SPATA17: variants seen among roughly 807,000 people sequenced by gnomAD.
The protein encoded by SPATA17 is spermatogenesis associated 17.
A neutral mutation model predicts 62.2 loss-of-function variants in SPATA17; 53 were observed. The observed-to-expected ratio is 0.85, with a 90% CI of 0.68 to 1.07. SPATA17 has a LOEUF of 1.07. SPATA17 is among the 50% of genes least tolerant of loss of function. The pLI, the probability that SPATA17 is intolerant of heterozygous loss-of-function variation, is 0.00. For missense variants in SPATA17, 466 were observed against 425.5 expected (o/e 1.10, Z -0.84); for synonymous variants, 146 against 146.8 (o/e 0.99, Z 0.04).
At chr1:217,668,764 C>A (rs1441455635) in intron 3 of SPATA17, among the ~76,000 whole-genome samples, 1 of 152,174 alleles carries the variant, frequency 6.6e-6, no homozygotes, top group East Asian at 1.9e-4. Context: ...CTCAGTAGAG[C>A]ACCATTGATT....
At chr1:217,832,978 T>C (rs1414113298) in intron 9 of SPATA17, among the ~76,000 whole-genome samples, 1 of 152,074 alleles carries the variant, frequency 6.6e-6, no homozygotes, top group Non-Finnish European at 1.5e-5. Flanking sequence ...TCAAAAAAGC[T>C]TCTTTCTGCT....
At chr1:217,654,654 CAA>C (rs1670395608) in intron 3 of SPATA17, among the ~76,000 whole-genome samples, 1 of 151,444 alleles carries the variant, frequency 6.6e-6, no homozygotes, top group African/African-American at 2.4e-5. Flanking sequence ...TCATTTGACA[CAA>C]AGTTACAGAA....
At chr1:217,760,097 T>C (rs6604557) in intron 6 of SPATA17, among the ~76,000 whole-genome samples, 116,412 of 152,100 alleles carry the variant, frequency 0.77, 44,951 homozygotes, top group Non-Finnish European at 0.81. Flanking sequence ...TTTTACAGAT[T>C]GGTTTTTCGA....
intron 5 of SPATA17, among the ~76,000 whole-genome samples, chr1:217,726,673 C>G (rs977349507): frequency 6.7e-6 from 1 of 150,296 alleles, no homozygotes; most frequent in Non-Finnish European, 1.5e-5. Flanking sequence ...GTGACTGTTC[C>G]TTGTTTTCAT....
chr1:217,643,616 T>C (rs1283290405), intron 1 of SPATA17, among the ~76,000 whole-genome samples: 1 of 151,990 alleles, frequency 6.6e-6, no homozygotes. Context: ...AGTGCCCTAC[T>C]TTTCCTGCCC....
At chr1:217,857,187 G>A (rs919453409) in intron 9 of SPATA17, among the ~76,000 whole-genome samples, 3 of 152,040 alleles carry the variant, frequency 2.0e-5, no homozygotes, top group Admixed American at 1.3e-4. Flanking sequence ...TACTAACATC[G>A]AAGTATTTAA....
rs142140224 is a variant in SPATA17, at chr1:217,745,808, T to A, written c.519+3710T>A. Among the ~76,000 whole-genome samples, 188 of 152,206 alleles carry A rather than the reference T, an allele frequency of 1.2e-3. 1 individual carries two copies. Among genetic ancestry groups the A allele is most frequent in the Non-Finnish European group, 1.5e-3 (103 of 67,972 alleles). On this transcript the variant is annotated intron_variant, in intron 6 of 10. Transcript: ENST00000366933. ...TTTGTAGATGGAAATTGTCAACTTT[T>A]CACTACTGCTTATACAGGCCATCTC...
intron 5 of SPATA17, among the ~76,000 whole-genome samples, chr1:217,724,353 C>T (rs911806205): frequency 1.3e-5 from 2 of 151,896 alleles, no homozygotes; most frequent in African/African-American, 4.8e-5. Flanking sequence ...TTTGGGAGGC[C>T]GAGGTGGGTG....
At chr1:217,637,729 C>A (rs937301490) in intron 1 of SPATA17, among the ~76,000 whole-genome samples, 1 of 152,048 alleles carries the variant, frequency 6.6e-6, no homozygotes, top group African/African-American at 2.4e-5. Flanking sequence ...AGATGTGAGT[C>A]CCTTCCCCTG....
Position 217,639,778 on chromosome 1 carries a change from A to G in SPATA17, c.68+8332A>G, listed in dbSNP as rs2102876158. Among the ~76,000 whole-genome samples the G allele has an allele frequency of 1.3e-5, 2 of 152,134 alleles. 1 individual carries two copies. The highest frequency in any genetic ancestry group is 3.9e-4 in the East Asian group (2 of 5,174). ...AATAATTGTCCCACTCTCACATAATAGAGGTTCTTTTTCCAGCTTCTAATA... is the reference window on the plus strand; with the variant it reads ...AATAATTGTCCCACTCTCACATAATGGAGGTTCTTTTTCCAGCTTCTAATA... On this transcript the variant is annotated intron_variant, in intron 1 of 10. Coordinates refer to ENST00000366933, the MANE Select transcript of SPATA17 (RefSeq NM_138796.4).
intron 9 of SPATA17, among the ~76,000 whole-genome samples, chr1:217,817,138 CTG>C (rs1206419937): frequency 6.6e-6 from 1 of 152,078 alleles, no homozygotes; most frequent in African/African-American, 2.4e-5. Flanking sequence ...AGATGTCAAA[CTG>C]GAGGATATTT....
chr1:217,701,017 C>G (rs140819910), intron 5 of SPATA17, among the ~76,000 whole-genome samples: 7,639 of 152,014 alleles, frequency 0.05, 253 homozygotes, highest in Middle Eastern at 0.12. Flanking sequence ...CTCTGTCATC[C>G]AGGCTGGAGT....
chr1:217,861,604 T>C (rs985262374), intron 9 of SPATA17, among the ~76,000 whole-genome samples: 9 of 152,088 alleles, frequency 5.9e-5, no homozygotes, highest in Non-Finnish European at 1.3e-4. Flanking sequence ...ACCTCCAGAA[T>C]TGTAATTTGT....
intron 3 of SPATA17, 66 bp downstream of exon 3, chr1:217,651,244 G>A: frequency 7.7e-7 from 1 of 1,296,088 alleles, no homozygotes; most frequent in Admixed American, 2.4e-5. Flanking sequence ...ACTCACTTTA[G>A]TCATATTTCC....
chr1:217,722,327 T>A (rs575973086), intron 5 of SPATA17, among the ~76,000 whole-genome samples: 1 of 152,206 alleles, frequency 6.6e-6, no homozygotes, highest in South Asian at 2.1e-4. Flanking sequence ...ACATTAGCCA[T>A]CCTGCAGGTA....
intron 4 of SPATA17, among the ~76,000 whole-genome samples, chr1:217,674,222 G>T (rs564863383): frequency 3.3e-5 from 5 of 152,120 alleles, no homozygotes; most frequent in African/African-American, 1.2e-4. Context: ...ATTTAAAAAA[G>T]GGAACTCCCC....
intron 9 of SPATA17, among the ~76,000 whole-genome samples, chr1:217,845,169 A>AG (rs1316734922): frequency 1.3e-5 from 2 of 152,058 alleles, no homozygotes; most frequent in Non-Finnish European, 2.9e-5. Context: ...ACTTTTCTTT[A>AG]GGTTCCTGCA....
chr1:217,850,096 T>A (rs1054210302), intron 9 of SPATA17, among the ~76,000 whole-genome samples: 2 of 152,146 alleles, frequency 1.3e-5, no homozygotes, highest in Admixed American at 1.3e-4. Context: ...GGAGGTGGGA[T>A]GCATTTCTGA....
intron 9 of SPATA17, among the ~76,000 whole-genome samples, chr1:217,839,303 G>A (rs1409271480): frequency 2.6e-5 from 4 of 152,064 alleles, no homozygotes; most frequent in Admixed American, 2.0e-4. Context: ...TTTGCATTCT[G>A]AGGAAAATTG....
Sources: allele counts gnomAD v4.1 joint callset (sites outside exome capture counted in the v4.1 genomes callset), GRCh38; gene constraint gnomAD v4.1.1; transcripts MANE v1.5; gene names NCBI Gene and HGNC (gene_info 2026-07-23, HGNC 2026-07-21).